KCNV2: variants seen among roughly 807,000 people sequenced by gnomAD.
KCNV2 encodes potassium voltage-gated channel modifier subfamily V member 2, also known as potassium voltage-gated channel subfamily V member 2.
A neutral mutation model predicts 37.0 loss-of-function variants in KCNV2; 65 were observed. The observed-to-expected ratio is 1.76, with a 90% CI of 1.44 to 2.16. The LOEUF (loss-of-function observed/expected upper bound fraction) is 2.16. KCNV2 is among the 30% of genes most tolerant of loss of function. KCNV2 has a pLI of 0.00. For missense variants in KCNV2, 1,232 were observed against 766.7 expected (o/e 1.61, Z -7.17); for synonymous variants, 518 against 328.6 (o/e 1.58, Z -6.23).
chr9:2,729,972 G>T lies in KCNV2; in HGVS notation c.*245G>T. 2.1e-6 allele frequency: 1 copy of T among 486,834 alleles called. No individual in the cohort carries two copies. Among genetic ancestry groups the T allele is most frequent in the Non-Finnish European group, 3.7e-6 (1 of 273,488 alleles). 30.2% of individuals were successfully genotyped at this position (486,834 alleles called of 1,614,324 possible). A position where few individuals can be genotyped will look rare whatever the true frequency, so the allele number is the denominator to read the frequency against. ...CGTTGATATTGAAAACCTGAGGGGA[G>T]CAACAGCTTAGATTTTTCTTGTAGC... is the stretch of plus-strand genomic sequence containing the variant. On this transcript the variant is annotated 3_prime_UTR_variant, in exon 2 of 2. Coordinates refer to ENST00000382082, the MANE Select transcript of KCNV2 (RefSeq NM_133497.4).
rs1819786525 is a variant in KCNV2, at chr9:2,718,446, T to G, written c.707T>G (p.Met236Arg). ...GAGGCGGAGGAACTCTTCCGCGACATGCGCTTCTACGGCCCGCAGCGGCGC... is the reference window on the plus strand; with the variant it reads ...GAGGCGGAGGAACTCTTCCGCGACAGGCGCTTCTACGGCCCGCAGCGGCGC... ...VEEAEELFRDMRFYGPQRRRL... is the reference protein window; with the variant it reads ...VEEAEELFRDRRFYGPQRRRL... The change falls in exon 1 of 2, where the codon ATG becomes AGG. Residue 236 changes from methionine (M) to arginine (R), a missense_variant. Physicochemically the swap from Met to Arg is moderately conservative, Grantham distance 91 (BLOSUM62 -1). Coordinates refer to ENST00000382082, the MANE Select transcript of KCNV2 (RefSeq NM_133497.4). 1.4e-5 allele frequency: 22 copies of G among 1,607,584 alleles called. No individual in the cohort carries two copies. Among genetic ancestry groups the G allele is most frequent in the South Asian group, 2.2e-5 (2 of 90,278 alleles).
chr9:2,721,840 TGA>T (rs1395494655), intron 1 of KCNV2, among the ~76,000 whole-genome samples: 1 of 152,052 alleles, frequency 6.6e-6, no homozygotes, highest in Non-Finnish European at 1.5e-5. Flanking sequence ...AAGATGACAT[TGA>T]GATAAAGTTT....
In KCNV2 at chr9:2,729,727, G is replaced by C. The variant is rs1465469369; in HGVS notation, c.1638G>C (p.Ter546TyrextTer60). ...NPQLTPRQEN[*>Y] ...AGCTCACCCCAAGACAAGAGAATTA[G>C]TATTTTATAGGACATGTGGCTGGTA... The change falls in exon 2 of 2, where the codon TAG (stop) becomes TAC (tyrosine). Residue 546 changes from the stop codon to tyrosine (Y), a stop_lost. Coordinates refer to ENST00000382082, the MANE Select transcript of KCNV2 (RefSeq NM_133497.4). 1.2e-6 allele frequency: 2 copies of C among 1,613,854 alleles called. No individual in the cohort carries two copies. Among genetic ancestry groups the C allele is most frequent in the Admixed American group, 3.3e-5 (2 of 59,994 alleles).
chr9:2,718,640 A>G lies in KCNV2; in HGVS notation c.901A>G (p.Ile301Val), dbSNP rs2130861412. The part of the protein sequence containing the change: ...QGEGGPDLRP[I>V]LEHVEMLCMG... ...CGAGGGCGGCCCAGACCTGCGGCCC[A>G]TCCTGGAGCACGTGGAGATGCTGTG... Residue 301 changes from isoleucine to valine, a missense_variant, in exon 1 of 2, where the codon ATC becomes GTC. Physicochemically the swap from Ile to Val is conservative, Grantham distance 29 (BLOSUM62 3). Coordinates refer to ENST00000382082, the MANE Select transcript of KCNV2 (RefSeq NM_133497.4). 6.2e-7 allele frequency: 1 copy of G among 1,613,256 alleles called. No individual in the cohort carries two copies. Among genetic ancestry groups the G allele is most frequent in the South Asian group, 1.1e-5 (1 of 91,086 alleles).
At chr9:2,719,167 A>G (rs1819814915) in intron 1 of KCNV2, 72 bp downstream of exon 1, 1 of 1,547,352 alleles carries the variant, frequency 6.5e-7, no homozygotes, top group Non-Finnish European at 8.8e-7. Flanking sequence ...TCCCCTGGTT[A>G]TCAGCCACCA....
chr9:2,720,109 TA>T (rs1276008766), intron 1 of KCNV2, among the ~76,000 whole-genome samples: 24 of 152,218 alleles, frequency 1.6e-4, no homozygotes, highest in Non-Finnish European at 7.3e-5. Context: ...ATTAAGCAAA[TA>T]TAACTAGTTT....
chr9:2,718,643 CT>C lies in KCNV2; in HGVS notation c.905del (p.Leu302ArgfsTer20). The C allele has an allele frequency of 6.2e-7, 1 of 1,613,294 alleles. No individual in the cohort carries two copies. The highest frequency in any genetic ancestry group is 8.5e-7 in the Non-Finnish European group (1 of 1,179,828). On this transcript the variant is annotated frameshift_variant, in exon 1 of 2. Coordinates refer to ENST00000382082, the MANE Select transcript of KCNV2 (RefSeq NM_133497.4). LOFTEE classifies it high-confidence loss of function. ...GGGCGGCCCAGACCTGCGGCCCATC[CT>C]GGAGCACGTGGAGATGCTGTGCATG... ...GEGGPDLRPI[L>X]EHVEMLCMGF... is the part of the protein sequence containing the mutation.
intron 1 of KCNV2, among the ~76,000 whole-genome samples, chr9:2,722,230 TATAA>T (rs1206639440): frequency 4.2e-5 from 6 of 142,738 alleles, no homozygotes; most frequent in South Asian, 2.1e-4. Context: ...GTTATTTATT[TATAA>T]ATAAATTAGA....
At chr9:2,727,521 G>A (rs1276322371) in intron 1 of KCNV2, among the ~76,000 whole-genome samples, 1 of 152,176 alleles carries the variant, frequency 6.6e-6, no homozygotes, top group Non-Finnish European at 1.5e-5. Flanking sequence ...CCTTGGTCCA[G>A]AAGTTGGGAG....
chr9:2,721,010 G>A (rs1819857849), intron 1 of KCNV2, among the ~76,000 whole-genome samples: 1 of 152,028 alleles, frequency 6.6e-6, no homozygotes, highest in Non-Finnish European at 1.5e-5. Flanking sequence ...TATGTTAACT[G>A]GCACTATGTA....
At chr9:2,726,222 C>T (rs1819965226) in intron 1 of KCNV2, among the ~76,000 whole-genome samples, 2 of 152,140 alleles carry the variant, frequency 1.3e-5, no homozygotes, top group Admixed American at 6.5e-5. Context: ...GCCAAGGAAT[C>T]CTGAGTTCCT....
intron 1 of KCNV2, among the ~76,000 whole-genome samples, chr9:2,723,106 A>T (rs1186367068): frequency 6.6e-6 from 1 of 152,234 alleles, no homozygotes; most frequent in African/African-American, 2.4e-5. Flanking sequence ...ATTAGTTCCA[A>T]TAATGCAATC....
At chr9:2,722,377 A>C (rs1234704162) in intron 1 of KCNV2, among the ~76,000 whole-genome samples, 2 of 140,292 alleles carry the variant, frequency 1.4e-5, no homozygotes, top group Non-Finnish European at 3.0e-5. Flanking sequence ...ATTAGAAGTT[A>C]TTTATAAATA....
At chr9:2,719,124 T>A in intron 1 of KCNV2, 29 bp downstream of exon 1, 1 of 1,602,466 alleles carries the variant, frequency 6.2e-7, no homozygotes, top group Non-Finnish European at 8.5e-7. Flanking sequence ...GGCTTTCCCA[T>A]CCTCTTCCCC....
intron 1 of KCNV2, among the ~76,000 whole-genome samples, chr9:2,726,967 C>A (rs1029410450): frequency 6.6e-6 from 1 of 152,142 alleles, no homozygotes; most frequent in Non-Finnish European, 1.5e-5. Context: ...TCCCCTCCCC[C>A]AACCCCGTCC....
chr9:2,718,390 G>A lies in KCNV2; in HGVS notation c.651G>A (p.Gln217=), dbSNP rs572091494. Residue 217 remains glutamine, a synonymous_variant, in exon 1 of 2, where the codon CAG becomes CAA. Transcript: ENST00000382082. The part of the protein sequence containing the change: ...RDELSERLKI[Q]HELRAQAQVE... ...AGCTGAGCGAACGGCTCAAGATCCA[G>A]CACGAGCTGCGCGCGCAGGCGCAGG... The A allele has an allele frequency of 1.9e-6, 3 of 1,600,974 alleles. No homozygotes were observed. The highest frequency in any genetic ancestry group is 1.1e-5 in the South Asian group (1 of 89,652).
chr9:2,719,844 G>C (rs912632153), intron 1 of KCNV2, among the ~76,000 whole-genome samples: 2 of 152,196 alleles, frequency 1.3e-5, no homozygotes, highest in African/African-American at 4.8e-5. Context: ...TAGTTCTTTT[G>C]CATGCATTGC....
intron 1 of KCNV2, among the ~76,000 whole-genome samples, chr9:2,725,978 C>T (rs1586691169): frequency 6.6e-6 from 1 of 152,196 alleles, no homozygotes; most frequent in African/African-American, 2.4e-5. Context: ...AAAGTATGTA[C>T]GTTTACAGCA....
At chr9:2,719,121 C>T in intron 1 of KCNV2, 26 bp downstream of exon 1, 2 of 1,602,540 alleles carry the variant, frequency 1.2e-6, no homozygotes, top group South Asian at 2.2e-5. Flanking sequence ...CTGGGCTTTC[C>T]CATCCTCTTC....
Sources: gnomAD v4.1 joint callset for allele counts (sites outside exome capture counted in the v4.1 genomes callset) on GRCh38, gnomAD v4.1.1 for gene constraint, MANE v1.5 for transcripts, NCBI Gene and HGNC (gene_info 2026-07-23, HGNC 2026-07-21) for gene names.